The following PTPRB variants were observed in gnomAD, a reference collection of about 807,000 sequenced individuals.
PTPRB encodes the protein receptor-type tyrosine-protein phosphatase beta.
Under a neutral mutation model 238.1 loss-of-function variants are expected in PTPRB, and 97 were observed. That is an observed-to-expected ratio of 0.41 (90% CI 0.35 to 0.48). The LOEUF is 0.48. Ranked by LOEUF, PTPRB falls within the 20% of genes least tolerant of loss-of-function variation. PTPRB has a pLI of 0.30. For missense variants in PTPRB, 2,292 were observed against 2,681.9 expected (o/e 0.85, Z 3.21); for synonymous variants, 970 against 995.4 (o/e 0.97, Z 0.48).
intron 26 of PTPRB, 100 bp downstream of exon 26, chr12:70,539,525 A>T: frequency 1.1e-6 from 1 of 947,562 alleles, no homozygotes. Context: ...CAGCCTCCTA[A>T]CTTCTGAGCT....
intron 13 of PTPRB, 41 bp downstream of exon 13, chr12:70,570,985 C>T (rs1879968997): frequency 6.2e-7 from 1 of 1,600,754 alleles, no homozygotes; most frequent in Non-Finnish European, 8.5e-7. Context: ...TTAAATGCAC[C>T]ACTGCATCTA....
Position 70,571,999 on chromosome 12 carries a change from A to G in PTPRB, c.2931T>C (p.Phe977=), listed in dbSNP as rs745642713. 3.1e-6 allele frequency: 5 copies of G among 1,613,952 alleles called. No individual in the cohort carries two copies. The Admixed American group carries it at 8.3e-5, about 27-fold the overall frequency. The change falls in exon 12 of 34, where the codon TTT becomes TTC. Residue 977 remains phenylalanine, a synonymous_variant. Coordinates refer to ENST00000334414, the MANE Select transcript of PTPRB (RefSeq NM_001109754.4). ...TTTTAATGGTGACTTCATAGTGATC[A>G]AAGTCTCCAGTGGCATGCACCCAGG... ...RVSWVHATGD[F]DHYEVTIKNK... is the part of the protein sequence containing the mutation.
In PTPRB at chr12:70,587,241, C is replaced by T; in HGVS notation, c.2077G>A (p.Val693Ile). ...AGTGAGGTTTCATTGGCATGTTTGA[C>T]ACGAAGCTGGAGGACAGCCAGGGGG... ...TVPLAVLQLR[V>I]KHANETSLSI... The change falls in exon 9 of 34, where the codon GTC (valine) becomes ATC (isoleucine). Residue 693 changes from valine (V) to isoleucine (I), a missense_variant. Val to Ile is a conservative substitution (Grantham distance 29). Around this residue, in one of 4 missense-constraint regions of PTPRB, gnomAD observed 1,205 missense variants for 1,287.8 expected, o/e 0.94. Transcript: ENST00000334414. 1 of 1,613,818 alleles carries T rather than the reference C, an allele frequency of 6.2e-7. No homozygotes were observed. The highest frequency in any genetic ancestry group is 1.1e-5 in the South Asian group (1 of 91,060).
chr12:70,528,827 G>A (rs1207799257), intron 32 of PTPRB, among the ~76,000 whole-genome samples: 1 of 152,154 alleles, frequency 6.6e-6, no homozygotes, highest in African/African-American at 2.4e-5. Flanking sequence ...CCTGGCTTGG[G>A]CAAACACATG....
At chr12:70,603,343 A>G (rs1332556267) in intron 4 of PTPRB, among the ~76,000 whole-genome samples, 1 of 152,202 alleles carries the variant, frequency 6.6e-6, no homozygotes, top group Admixed American at 6.5e-5. Flanking sequence ...ACACTAAAAC[A>G]TATTTAACCA....
chr12:70,624,658 G>A (rs1479691573), intron 2 of PTPRB, among the ~76,000 whole-genome samples: 2 of 152,104 alleles, frequency 1.3e-5, no homozygotes, highest in African/African-American at 2.4e-5. Context: ...CATTTTGGTT[G>A]TTTTGAGCTG....
chr12:70,630,976 T>A (rs574304163), intron 2 of PTPRB, among the ~76,000 whole-genome samples: 1 of 152,306 alleles, frequency 6.6e-6, no homozygotes, highest in African/African-American at 2.4e-5. Context: ...ATAGGAAGAA[T>A]CAATATCGTG....
chr12:70,553,907 A>G (rs968067413), intron 20 of PTPRB, among the ~76,000 whole-genome samples: 1 of 152,226 alleles, frequency 6.6e-6, no homozygotes, highest in Non-Finnish European at 1.5e-5. Flanking sequence ...TGGAAATCAC[A>G]GCTCATCTCC....
intron 10 of PTPRB, among the ~76,000 whole-genome samples, chr12:70,580,557 C>T (rs987586902): frequency 2.0e-4 from 31 of 152,162 alleles, no homozygotes; most frequent in African/African-American, 6.3e-4. Context: ...TGGTGGCTCA[C>T]GCCTGTAATC....
rs759247134 is a variant in PTPRB, at chr12:70,562,850, T to C, written c.4162A>G (p.Arg1388Gly). The C allele has an allele frequency of 6.2e-7, 1 of 1,613,866 alleles. No homozygotes were observed. Among genetic ancestry groups the C allele is most frequent in the Non-Finnish European group, 8.5e-7 (1 of 1,179,770 alleles). ...GCTTGGGTCTTGGTCTTACCTGTTC[T>C]ACCAAATATGAAAGACTCATTAGAC... is the stretch of plus-strand genomic sequence containing the variant. The part of the protein sequence containing the change: ...ELSNESFIFG[R>G]TVPASVSHLR... Residue 1388 changes from arginine (R) to glycine (G), a missense_variant, in exon 16 of 34, where the codon AGA becomes GGA. Physicochemically the swap from Arg to Gly is moderately radical, Grantham distance 125. Around this residue, in one of 4 missense-constraint regions of PTPRB, gnomAD observed 683 missense variants for 862.0 expected, o/e 0.79. Coordinates refer to ENST00000334414, the MANE Select transcript of PTPRB (RefSeq NM_001109754.4).
chr12:70,555,853 C>T lies in PTPRB; in HGVS notation c.4993+17G>A. 6.2e-7 allele frequency: 1 copy of T among 1,610,742 alleles called. No individual in the cohort carries two copies. Among genetic ancestry groups the T allele is most frequent in the African/African-American group, 1.3e-5 (1 of 74,960 alleles). ...CCAGTGACAGGAGGCTCTGTGCGCA[C>T]CTCCAGGGACACTTACGGTCTATCA... is the stretch of plus-strand genomic sequence containing the variant. On this transcript the variant is annotated intron_variant, in intron 19 of 33. Coordinates refer to ENST00000334414, the MANE Select transcript of PTPRB (RefSeq NM_001109754.4).
At chr12:70,609,910 C>T (rs1368545340) in intron 3 of PTPRB, 15 of 1,194,778 alleles carry the variant, frequency 1.3e-5, no homozygotes, top group African/African-American at 1.6e-5. Context: ...GCGCGCTCAG[C>T]GCGCCCCGTG....
Position 70,562,849 on chromosome 12 carries a change from C to G in PTPRB, c.4163G>C (p.Arg1388Thr). ...TGCTTGGGTCTTGGTCTTACCTGTT[C>G]TACCAAATATGAAAGACTCATTAGA... ...ELSNESFIFGRTVPASVSHLR... is the reference protein window; with the variant it reads ...ELSNESFIFGTTVPASVSHLR... Residue 1388 changes from arginine to threonine, a missense_variant, in exon 16 of 34, where the codon AGA (arginine) becomes ACA (threonine). Physicochemically the swap from Arg to Thr is moderately conservative, Grantham distance 71. Transcript: ENST00000334414. The G allele has an allele frequency of 2.5e-6, 4 of 1,613,784 alleles. No individual in the cohort carries two copies. Among genetic ancestry groups the G allele is most frequent in the Non-Finnish European group, 3.4e-6 (4 of 1,179,734 alleles).
rs564782543 is a variant in PTPRB at position 70,541,015 on chromosome 12, C to A, written c.5495-58G>T. ...GGTGGGAAAATTAGTGCTAGGGAACCAGTAAGAAAGCTATTGAAGCCATAT... is the reference window on the plus strand; with the variant it reads ...GGTGGGAAAATTAGTGCTAGGGAACAAGTAAGAAAGCTATTGAAGCCATAT... On this transcript the variant is annotated intron_variant, in intron 22 of 33. Transcript: ENST00000334414. 7 of 1,370,862 alleles carry A rather than the reference C, an allele frequency of 5.1e-6. No individual in the cohort carries two copies. In the Admixed American group the frequency reaches 1.0e-4, roughly 20 times the overall value. 84.9% of individuals were successfully genotyped at this position (1,370,862 alleles called of 1,614,324 possible). A position where few individuals can be genotyped will look rare whatever the true frequency, so the allele number is the denominator to read the frequency against.
chr12:70,540,735 A>G, intron 23 of PTPRB, 123 bp downstream of exon 23: 1 of 727,514 alleles, frequency 1.4e-6, no homozygotes, highest in East Asian at 2.7e-5. Context: ...TATTGAGAAA[A>G]CAGTGACAAT....
intron 3 of PTPRB, among the ~76,000 whole-genome samples, chr12:70,613,060 T>C (rs1336410260): frequency 6.6e-6 from 1 of 152,176 alleles, no homozygotes; most frequent in Admixed American, 6.5e-5. Flanking sequence ...AGATGTTGAA[T>C]AATACAATGG....
rs745836820 is a variant in PTPRB at position 70,524,577 on chromosome 12, G to A, written c.6519C>T (p.Tyr2173=). 17 of 1,611,698 alleles carry A rather than the reference G, an allele frequency of 1.1e-5. No individual in the cohort carries two copies. The East Asian group carries it at 3.3e-4, about 32-fold the overall frequency. Residue 2173 remains tyrosine, a synonymous_variant, in exon 33 of 34, where the codon TAC becomes TAT. Transcript: ENST00000334414. The stretch of plus-strand genomic sequence containing the variant: ...GGACATCTCTTACACACTGATGTAG[G>A]TAGACATACTGACACTGTGGAAAAG... ...HMVQTECQYV[Y]LHQCVRDVLR...
chr12:70,560,027 G>A lies in PTPRB; in HGVS notation c.4433-403C>T, dbSNP rs537362682. Among the ~76,000 whole-genome samples the A allele has an allele frequency of 6.6e-6, 1 of 151,930 alleles. No individual in the cohort carries two copies. The highest frequency in any genetic ancestry group is 6.6e-5 in the Admixed American group (1 of 15,260). On this transcript the variant is annotated intron_variant, in intron 17 of 33. Transcript: ENST00000334414. The surrounding 1 kb of genome is among the most constrained non-coding windows in gnomAD (Gnocchi z 4.2). Reference sequence around the variant, plus strand: ...AATTGTTGTATTTTTAGTAGAGACAGGGTTTCCTCTCGTTGACCAGGCTGG... The same window carrying A: ...AATTGTTGTATTTTTAGTAGAGACAAGGTTTCCTCTCGTTGACCAGGCTGG...
intron 4 of PTPRB, among the ~76,000 whole-genome samples, chr12:70,598,859 G>A (rs543702201): frequency 3.2e-4 from 48 of 152,266 alleles, no homozygotes; most frequent in African/African-American, 1.1e-3. Context: ...TTAAGGTTGC[G>A]TGTCTAGAGG....
Sources: gnomAD v4.1 joint callset for allele counts (sites outside exome capture counted in the v4.1 genomes callset) on GRCh38, gnomAD v4.1.1 for gene constraint, gnomAD v4.1.1 regional missense constraint, Gnocchi (gnomAD v3.1) non-coding constraint, MANE v1.5 for transcripts, NCBI Gene and HGNC (gene_info 2026-07-23, HGNC 2026-07-21) for gene names.